Variants in MEF2C observed in about 807,000 individuals in gnomAD.
The protein encoded by MEF2C is myocyte enhancer factor 2C.
In MEF2C, 6 loss-of-function variants were observed where a neutral mutation model predicts 50.5. The observed-to-expected ratio is 0.12, with a 90% CI of 0.07 to 0.23. The LOEUF (loss-of-function observed/expected upper bound fraction) is 0.23, where lower values mean the gene tolerates loss of function less well. MEF2C is among the 10% of genes least tolerant of loss of function. The pLI is 1.00. For synonymous variants in MEF2C, 183 were observed against 228.0 expected (o/e 0.80, Z 1.78); for missense variants, 276 against 605.0 (o/e 0.46, Z 5.70).
At chr5:88,749,019 T>TAGA in intron 6 of MEF2C, 51 bp downstream of exon 6, 1 of 1,552,148 alleles carries the variant, frequency 6.4e-7, no homozygotes, top group South Asian at 1.2e-5. Context: ...AATCACCTAG[T>TAGA]AGAAGAACTC....
intron 4 of MEF2C, among the ~76,000 whole-genome samples, chr5:88,753,102 T>C (rs1773610318): frequency 6.6e-6 from 1 of 152,168 alleles, no homozygotes; most frequent in South Asian, 2.1e-4. Flanking sequence ...TTTGGTCCCA[T>C]TTTGTTTTTA....
intron 1 of MEF2C, among the ~76,000 whole-genome samples, chr5:88,900,475 C>G (rs1222759276): frequency 6.6e-6 from 1 of 151,264 alleles, no homozygotes; most frequent in Non-Finnish European, 1.5e-5. Flanking sequence ...ATATGTATTA[C>G]CTTTGATAAT....
intron 1 of MEF2C, among the ~76,000 whole-genome samples, chr5:88,902,728 C>T (rs1383237031): frequency 2.0e-5 from 3 of 151,694 alleles, no homozygotes; most frequent in Non-Finnish European, 4.4e-5. Flanking sequence ...AAACAATTGC[C>T]TCATAGTATT....
At chr5:88,884,817 G>A (rs941062413), upstream of MEF2C, among the ~76,000 whole-genome samples, 3 of 144,994 alleles carry the variant, frequency 2.1e-5, no homozygotes, top group Non-Finnish European at 4.5e-5. Flanking sequence ...AAAAAAAAAG[G>A]CTTTAATATT....
intron 1 of MEF2C, among the ~76,000 whole-genome samples, chr5:88,859,570 T>C (rs1009757579): frequency 5.3e-5 from 8 of 152,232 alleles, no homozygotes; most frequent in African/African-American, 1.9e-4. Context: ...AAAGCATTAA[T>C]GTTTTCAGTA....
chr5:88,769,490 G>A (rs1359403451), intron 3 of MEF2C, among the ~76,000 whole-genome samples: 1 of 152,120 alleles, frequency 6.6e-6, no homozygotes, highest in African/African-American at 2.4e-5. Context: ...GGACTGAGAT[G>A]GGGAAGTCTG....
intron 4 of MEF2C, among the ~76,000 whole-genome samples, chr5:88,755,400 T>G (rs999271177): frequency 2.0e-5 from 3 of 152,234 alleles, no homozygotes; most frequent in Admixed American, 2.0e-4. Context: ...TCTGTTGCTT[T>G]TGCTACCAAA....
chr5:88,896,850 A>G (rs770464), intron 1 of MEF2C, among the ~76,000 whole-genome samples: 152,111 of 152,242 alleles, frequency 1, 75,997 homozygotes, highest in Middle Eastern at 1. Context: ...TCTGTCATTC[A>G]TTCATTCTTT....
At chr5:88,814,696 A>C (rs766938505) in intron 2 of MEF2C, among the ~76,000 whole-genome samples, 3 of 152,078 alleles carry the variant, frequency 2.0e-5, no homozygotes, top group Non-Finnish European at 4.4e-5. Flanking sequence ...TAAAACTCCA[A>C]ATCTTATGCA....
intron 3 of MEF2C, among the ~76,000 whole-genome samples, chr5:88,797,216 A>G (rs779939036): frequency 3.9e-5 from 6 of 152,094 alleles, no homozygotes; most frequent in Non-Finnish European, 7.4e-5. Flanking sequence ...TCTAATATTG[A>G]CAGTGGGGTG....
chr5:88,901,844 T>C (rs2604449), intron 1 of MEF2C, among the ~76,000 whole-genome samples: 1 of 152,108 alleles, frequency 6.6e-6, no homozygotes, highest in East Asian at 1.9e-4. Context: ...AAGTCTACAA[T>C]TCAGGCACAG....
At chr5:88,833,546 A>T (rs1813841007) in intron 1 of MEF2C, among the ~76,000 whole-genome samples, 1 of 152,156 alleles carries the variant, frequency 6.6e-6, no homozygotes, top group African/African-American at 2.4e-5. Flanking sequence ...AGGAGCCAGC[A>T]GGGGTGGAAA....
chr5:88,738,268 C>A (rs753212921), intron 6 of MEF2C: 37 of 985,118 alleles, frequency 3.8e-5, no homozygotes, highest in Non-Finnish European at 4.2e-5. Flanking sequence ...ACAATCTTAC[C>A]ATCCAACAAT....
intron 1 of MEF2C, among the ~76,000 whole-genome samples, chr5:88,897,045 C>A (rs1835188478): frequency 2.0e-5 from 3 of 151,944 alleles, no homozygotes; most frequent in Admixed American, 2.0e-4. Context: ...GGGTATTATT[C>A]TTTTTTGATT....
At chr5:88,828,315 A>G (rs1480977582) in intron 1 of MEF2C, among the ~76,000 whole-genome samples, 1 of 152,056 alleles carries the variant, frequency 6.6e-6, no homozygotes, top group Non-Finnish European at 1.5e-5. Flanking sequence ...TTCTGCAATA[A>G]GTACAATGCA....
At chr5:88,776,808 A>G (rs555078345) in intron 3 of MEF2C, among the ~76,000 whole-genome samples, 1 of 152,210 alleles carries the variant, frequency 6.6e-6, no homozygotes, top group Non-Finnish European at 1.5e-5. Context: ...ATGATCTAAC[A>G]TAAAGCTTTA....
At chr5:88,729,093 C>T in intron 9 of MEF2C, 125 bp downstream of exon 9, 3 of 1,011,036 alleles carry the variant, frequency 3.0e-6, no homozygotes, top group Non-Finnish European at 4.3e-6. Flanking sequence ...ATGGGTAATG[C>T]TGCAGTGCTG....
chr5:88,854,105 G>A (rs1183534739), intron 1 of MEF2C, among the ~76,000 whole-genome samples: 2 of 152,172 alleles, frequency 1.3e-5, no homozygotes, highest in African/African-American at 4.8e-5. Context: ...ATTGAGAGCA[G>A]CTTTTTGCAG....
intron 1 of MEF2C, among the ~76,000 whole-genome samples, chr5:88,900,349 T>G (rs1835518927): frequency 6.6e-6 from 1 of 151,864 alleles, no homozygotes; most frequent in African/African-American, 2.4e-5. Context: ...TATTATGCAC[T>G]TGATATATAC....
Sources: allele counts gnomAD v4.1 joint callset (sites outside exome capture counted in the v4.1 genomes callset), GRCh38; gene constraint gnomAD v4.1.1; transcripts MANE v1.5; gene names NCBI Gene and HGNC (gene_info 2026-07-23, HGNC 2026-07-21).